PKN2: variants seen among roughly 807,000 people sequenced by gnomAD.
The protein encoded by PKN2 is protein kinase N2.
PKN2 carries 38 observed loss-of-function variants against 119.1 expected under a neutral mutation model. The ratio of observed to expected loss-of-function variants is 0.32; its 90% confidence interval spans 0.25 to 0.42. PKN2 has a LOEUF of 0.42. Ranked by LOEUF, PKN2 falls within the 10% of genes least tolerant of loss-of-function variation. The probability of loss-of-function intolerance (pLI) is 1.00; values close to 1 mark genes in which losing one functional copy is unlikely to be tolerated. For missense variants in PKN2, 850 were observed against 1,165.1 expected (o/e 0.73, Z 3.94); for synonymous variants, 390 against 384.9 (o/e 1.01, Z -0.15).
intron 6 of PKN2, among the ~76,000 whole-genome samples, chr1:88,772,492 A>G (rs1669936785): frequency 1.3e-5 from 2 of 152,228 alleles, no homozygotes; most frequent in African/African-American, 4.8e-5. Flanking sequence ...ATAATATAAT[A>G]TAAACATTCC....
chr1:88,754,105 G>A (rs1221247216), intron 2 of PKN2, among the ~76,000 whole-genome samples: 2 of 152,058 alleles, frequency 1.3e-5, no homozygotes, highest in East Asian at 3.9e-4. Flanking sequence ...GGGTTGATTG[G>A]GTATCTTGAA....
intron 6 of PKN2, among the ~76,000 whole-genome samples, chr1:88,778,613 C>T (rs1215287374): frequency 1.3e-5 from 2 of 152,158 alleles, no homozygotes; most frequent in Non-Finnish European, 2.9e-5. Flanking sequence ...TTGTTTACCC[C>T]AACTGATCCT....
At chr1:88,831,353 G>T (rs1570698624) in intron 19 of PKN2, among the ~76,000 whole-genome samples, 1 of 151,492 alleles carries the variant, frequency 6.6e-6, no homozygotes, top group Admixed American at 6.6e-5. Flanking sequence ...AGACCAAAGT[G>T]CTGTCTTTGT....
chr1:88,746,045 C>T (rs151046043), intron 2 of PKN2, among the ~76,000 whole-genome samples: 8 of 152,240 alleles, frequency 5.3e-5, no homozygotes, highest in Non-Finnish European at 8.8e-5. Flanking sequence ...GGAAGATGAA[C>T]CTTTATCTTA....
At chr1:88,686,808 A>C (rs1296862662) in intron 1 of PKN2, among the ~76,000 whole-genome samples, 1 of 152,088 alleles carries the variant, frequency 6.6e-6, no homozygotes, top group Non-Finnish European at 1.5e-5. Flanking sequence ...CCAAGTATTT[A>C]TTAAACTTTT....
At chr1:88,804,965 A>G (rs375524571) in intron 10 of PKN2, 44 bp downstream of exon 10, 1 of 925,458 alleles carries the variant, frequency 1.1e-6, no homozygotes, top group African/African-American at 1.7e-5. Context: ...ATATTTTCTT[A>G]AACAATCTAA....
intron 16 of PKN2, among the ~76,000 whole-genome samples, chr1:88,820,197 T>TATAA (rs1402009884): frequency 5.2e-5 from 1 of 19,328 alleles, no homozygotes; most frequent in African/African-American, 1.7e-4. Context: ...TATATATATA[T>TATAA]ATATATATAT....
intron 17 of PKN2, among the ~76,000 whole-genome samples, chr1:88,823,599 G>A (rs1218488158): frequency 6.6e-6 from 1 of 151,526 alleles, no homozygotes; most frequent in African/African-American, 2.4e-5. Context: ...AGCTACTTGG[G>A]AGGCTGAGGC....
Position 88,684,566 on chromosome 1 carries a change from C to G in PKN2, c.-15C>G. 1 of 1,548,682 alleles carries G rather than the reference C, an allele frequency of 6.5e-7. No individual in the cohort carries two copies. ...AGGCGGCCGCGTCCAGGTGCGGAGT[C>G]CATACCGGAGCGCAATGGCGTCCAA... On this transcript the variant is annotated 5_prime_UTR_variant, in exon 1 of 22. Coordinates refer to ENST00000370521, the MANE Select transcript of PKN2 (RefSeq NM_006256.4).
chr1:88,775,325 T>G (rs1385061504), intron 6 of PKN2, among the ~76,000 whole-genome samples: 1 of 152,210 alleles, frequency 6.6e-6, no homozygotes, highest in Non-Finnish European at 1.5e-5. Context: ...GTTTTGCCTT[T>G]TCCACAATGG....
chr1:88,763,134 G>A (rs1669513348), intron 3 of PKN2, among the ~76,000 whole-genome samples: 2 of 152,170 alleles, frequency 1.3e-5, no homozygotes, highest in South Asian at 4.1e-4. Flanking sequence ...CCCACCAGTG[G>A]AGTTTTAAGT....
At chr1:88,722,787 TAAAA>T (rs1293365955) in intron 1 of PKN2, among the ~76,000 whole-genome samples, 139 of 108,560 alleles carry the variant, frequency 1.3e-3, no homozygotes, top group African/African-American at 4.6e-3. Context: ...TGTCTCAAAA[TAAAA>T]AAAAAAAAAA....
intron 19 of PKN2, among the ~76,000 whole-genome samples, chr1:88,831,049 A>T (rs1271352598): frequency 6.6e-6 from 1 of 152,026 alleles, no homozygotes; most frequent in African/African-American, 2.4e-5. Context: ...GACTCCAGGA[A>T]TAAACAAACA....
chr1:88,716,134 C>T (rs569414501), intron 1 of PKN2, among the ~76,000 whole-genome samples: 358 of 152,240 alleles, frequency 2.4e-3, no homozygotes, highest in African/African-American at 7.9e-3. Context: ...GAGTTCTAAT[C>T]TGATTGCACT....
rs192565772 is a variant in PKN2, at chr1:88,817,856, T to G, written c.2280-4085T>G. Among the ~76,000 whole-genome samples, 111 of 152,282 alleles carry G rather than the reference T, an allele frequency of 7.3e-4. 2 individuals are homozygous for G. The highest frequency in any genetic ancestry group is 4.4e-3 in the East Asian group (23 of 5,178). ...CCCACAGCCAATATTCAACATAGTA[T>G]TGGAAGTTCTGGCCAGGGCAATCAG... On this transcript the variant is annotated intron_variant, in intron 16 of 21. Transcript: ENST00000370521.
intron 1 of PKN2, among the ~76,000 whole-genome samples, chr1:88,715,888 G>A (rs1414756208): frequency 6.6e-6 from 1 of 151,972 alleles, no homozygotes; most frequent in Non-Finnish European, 1.5e-5. Context: ...GTGATGTTAG[G>A]GTGTTGATTT....
chr1:88,729,064 T>C (rs1353423620), intron 1 of PKN2, among the ~76,000 whole-genome samples: 1 of 152,008 alleles, frequency 6.6e-6, no homozygotes, highest in African/African-American at 2.4e-5. Flanking sequence ...CCGGCTAATT[T>C]TGTATTTTTA....
At chr1:88,688,569 T>C (rs1383801807) in intron 1 of PKN2, among the ~76,000 whole-genome samples, 1 of 152,240 alleles carries the variant, frequency 6.6e-6, no homozygotes, top group Non-Finnish European at 1.5e-5. Context: ...CTTGGTAGTC[T>C]ATAATTTAGC....
At chr1:88,759,599 A>G (rs1487722697) in intron 2 of PKN2, among the ~76,000 whole-genome samples, 2 of 152,154 alleles carry the variant, frequency 1.3e-5, no homozygotes, top group African/African-American at 4.8e-5. Context: ...GTTTGTGCAC[A>G]TATTTTACTC....
Sources: allele counts gnomAD v4.1 joint callset (sites outside exome capture counted in the v4.1 genomes callset), GRCh38; gene constraint gnomAD v4.1.1; transcripts MANE v1.5; gene names NCBI Gene and HGNC (gene_info 2026-07-23, HGNC 2026-07-21).